OSBP: variants seen among roughly 807,000 people sequenced by gnomAD.
OSBP encodes oxysterol binding protein.
Under a neutral mutation model 96.6 loss-of-function variants are expected in OSBP, and 32 were observed. The observed-to-expected ratio is 0.33, with a 90% CI of 0.25 to 0.45. OSBP has a LOEUF of 0.45. Among genes scored for constraint, OSBP ranks in the 20% least tolerant of loss-of-function variants. The probability of loss-of-function intolerance (pLI) is 1.00; values close to 1 mark genes in which losing one functional copy is unlikely to be tolerated. For missense variants in OSBP, 653 were observed against 1,029.7 expected, an observed-to-expected ratio of 0.63 and a Z score of 5.01; for synonymous variants, 369 against 389.6, an observed-to-expected ratio of 0.95 and a Z score of 0.62.
chr11:59,604,634 G>A (rs117285478), intron 3 of OSBP, among the ~76,000 whole-genome samples: 5,679 of 152,080 alleles, frequency 0.037, 141 homozygotes, highest in Non-Finnish European at 0.043. Flanking sequence ...CCCAAGAGGC[G>A]GAGGTTACAG....
chr11:59,611,952 C>T (rs1242468106), intron 1 of OSBP, among the ~76,000 whole-genome samples: 1 of 152,210 alleles, frequency 6.6e-6, no homozygotes, highest in African/African-American at 2.4e-5. Flanking sequence ...TGGTTATGCC[C>T]AGGAACCTGC....
chr11:59,587,760 G>T (rs1468828921), intron 9 of OSBP, among the ~76,000 whole-genome samples: 8 of 152,244 alleles, frequency 5.3e-5, no homozygotes, highest in African/African-American at 1.9e-4. Flanking sequence ...AGACAGTATG[G>T]TAGTTTGCTC....
rs1173270765 is a variant in OSBP at position 59,610,440 on chromosome 11, C to T, written c.512G>A (p.Arg171His). The T allele has an allele frequency of 1.9e-6, 3 of 1,614,004 alleles. No individual in the cohort carries two copies. The highest frequency in any genetic ancestry group is 2.5e-6 in the Non-Finnish European group (3 of 1,180,030). Reference sequence around the variant, plus strand: ...GGCCAGTTCCAGGGCCGTCACCCAGCGCTGCCGCTCAACTTCTGAACTAGC... The same window carrying T: ...GGCCAGTTCCAGGGCCGTCACCCAGTGCTGCCGCTCAACTTCTGAACTAGC... ...LKASSEVERQRWVTALELAKA... is the reference protein window; with the variant it reads ...LKASSEVERQHWVTALELAKA... The change falls in exon 2 of 14, where the codon CGC (arginine) becomes CAC (histidine). Residue 171 changes from arginine to histidine, a missense_variant. By Grantham distance (29) the Arg-to-His change is conservative (BLOSUM62 0). Around this residue, in one of 6 missense-constraint regions of OSBP, gnomAD observed 308 missense variants for 573.1 expected, o/e 0.54. Transcript: ENST00000263847.
At position 59,574,470 on chromosome 11, in the gene OSBP, A is replaced by G. The variant is rs1415183290; in HGVS notation, c.*2107T>C. On this transcript the variant is annotated 3_prime_UTR_variant, in exon 14 of 14. Coordinates refer to ENST00000263847, the MANE Select transcript of OSBP (RefSeq NM_002556.3). Reference sequence around the variant, plus strand: ...AAAATCAATAAGGCAAAAAAACTGAAAATATATATAGTTGTGTTTTGTTTT... The same window carrying G: ...AAAATCAATAAGGCAAAAAAACTGAGAATATATATAGTTGTGTTTTGTTTT... 6.6e-6 allele frequency: 1 copy of G among 152,544 alleles called. No homozygotes were observed. The highest frequency in any genetic ancestry group is 1.5e-5 in the Non-Finnish European group (1 of 68,016). 9.4% of individuals were successfully genotyped at this position (152,544 alleles called of 1,614,324 possible). A position where few individuals can be genotyped will look rare whatever the true frequency, so the allele number is the denominator to read the frequency against.
In OSBP at chr11:59,574,468, G is replaced by A. The variant is rs1860337437; in HGVS notation, c.*2109C>T. The A allele has an allele frequency of 6.6e-6, 1 of 151,582 alleles. No homozygotes were observed. 9.4% of individuals were successfully genotyped at this position (151,582 alleles called of 1,614,324 possible). ...AAAAAATCAATAAGGCAAAAAAACT[G>A]AAAATATATATAGTTGTGTTTTGTT... On this transcript the variant is annotated 3_prime_UTR_variant, in exon 14 of 14. Transcript: ENST00000263847.
chr11:59,602,180 GA>G (rs1430937695), intron 3 of OSBP, among the ~76,000 whole-genome samples: 1 of 152,190 alleles, frequency 6.6e-6, no homozygotes, highest in Non-Finnish European at 1.5e-5. Flanking sequence ...ACTGCTGACT[GA>G]AAGAAGGATG....
chr11:59,587,186 G>C (rs1298657207), intron 9 of OSBP, among the ~76,000 whole-genome samples: 1 of 151,994 alleles, frequency 6.6e-6, no homozygotes, highest in Non-Finnish European at 1.5e-5. Context: ...ACAAAAAAAA[G>C]CTAAAGAACT....
chr11:59,586,637 T>C (rs1450511742), intron 9 of OSBP, among the ~76,000 whole-genome samples: 1 of 152,244 alleles, frequency 6.6e-6, no homozygotes, highest in Non-Finnish European at 1.5e-5. Context: ...CTGATTTTGA[T>C]ACTTAATACA....
At chr11:59,606,501 A>T (rs1860782810) in intron 3 of OSBP, among the ~76,000 whole-genome samples, 1 of 152,082 alleles carries the variant, frequency 6.6e-6, no homozygotes, top group African/African-American at 2.4e-5. Context: ...ACCAACACAA[A>T]GACAGAAACA....
intron 9 of OSBP, among the ~76,000 whole-genome samples, chr11:59,587,194 A>C (rs1860509730): frequency 6.6e-6 from 1 of 152,094 alleles, no homozygotes; most frequent in Non-Finnish European, 1.5e-5. Flanking sequence ...AAGCTAAAGA[A>C]CTCAAGTCAA....
At chr11:59,608,797 C>T in intron 2 of OSBP, 63 bp from the exon 3 acceptor site, 2 of 1,526,586 alleles carry the variant, frequency 1.3e-6, no homozygotes, top group Non-Finnish European at 1.8e-6. Flanking sequence ...GGAACCCTAC[C>T]TACTCTGTCC....
At chr11:59,576,776 G>A (rs1225187248) in intron 13 of OSBP, 29 bp downstream of exon 13, 2 of 1,612,900 alleles carry the variant, frequency 1.2e-6, no homozygotes, top group Non-Finnish European at 1.7e-6. Flanking sequence ...CATGCATCAA[G>A]AAAGAAGAGT....
At chr11:59,585,147 T>C (rs1322907108) in intron 9 of OSBP, among the ~76,000 whole-genome samples, 3 of 147,230 alleles carry the variant, frequency 2.0e-5, no homozygotes, top group Admixed American at 6.8e-5. Context: ...GTCTGGAAAG[T>C]GAGGAGCGTC....
chr11:59,596,302 G>A (rs138958769), intron 7 of OSBP, among the ~76,000 whole-genome samples: 1,551 of 152,184 alleles, frequency 0.01, 11 homozygotes, highest in Admixed American at 0.016. Context: ...TAGACAATAC[G>A]AAGTAACATT....
At chr11:59,596,588 A>C (rs927354671) in intron 7 of OSBP, among the ~76,000 whole-genome samples, 9 of 104,704 alleles carry the variant, frequency 8.6e-5, no homozygotes, top group African/African-American at 5.7e-4. Flanking sequence ...TAGGCACCCA[A>C]AAAAAAAAAA....
At chr11:59,586,626 C>T (rs1192500913) in intron 9 of OSBP, among the ~76,000 whole-genome samples, 2 of 152,164 alleles carry the variant, frequency 1.3e-5, no homozygotes, top group Non-Finnish European at 2.9e-5. Context: ...ACTCAAACTT[C>T]CTGATTTTGA....
intron 9 of OSBP, among the ~76,000 whole-genome samples, chr11:59,583,833 T>C (rs556611002): frequency 6.6e-6 from 1 of 151,498 alleles, no homozygotes; most frequent in Non-Finnish European, 1.5e-5. Context: ...AGAGACAGGG[T>C]TTCGCCATGT....
Position 59,578,310 on chromosome 11 carries a change from A to T in OSBP, c.1899T>A (p.Asp633Glu), listed in dbSNP as rs1393381440. 6.2e-7 allele frequency: 1 copy of T among 1,614,152 alleles called. No individual in the cohort carries two copies. The highest frequency in any genetic ancestry group is 8.5e-7 in the Non-Finnish European group (1 of 1,180,006). Residue 633 changes from aspartate (D) to glutamate (E), a missense_variant, in exon 12 of 14, where the codon GAT (aspartate) becomes GAA (glutamate). Transcript: ENST00000263847. ...GAGCAAAGTGGACTTTTCCTGATGG[A>T]TCTGTCACTTCCCCCGTCACCTGCA... ...VARKVTGEVT[D>E]PSGKVHFALL...
intron 1 of OSBP, among the ~76,000 whole-genome samples, chr11:59,612,204 C>T (rs1220111253): frequency 6.6e-6 from 1 of 152,194 alleles, no homozygotes; most frequent in Non-Finnish European, 1.5e-5. Flanking sequence ...CTCTTCCTTC[C>T]TCAAATAGTA....
Sources: gnomAD v4.1 joint callset for allele counts (sites outside exome capture counted in the v4.1 genomes callset) on GRCh38, gnomAD v4.1.1 for gene constraint, gnomAD v4.1.1 regional missense constraint, MANE v1.5 for transcripts, NCBI Gene and HGNC (gene_info 2026-07-23, HGNC 2026-07-21) for gene names.